SLIT3: variants seen among roughly 807,000 people sequenced by gnomAD.
SLIT3 encodes the protein slit homolog 3 protein.
SLIT3 carries 68 observed loss-of-function variants against 184.0 expected under a neutral mutation model. The ratio of observed to expected loss-of-function variants is 0.37; its 90% CI spans 0.30 to 0.45. The LOEUF (loss-of-function observed/expected upper bound fraction) is 0.45. Among genes scored for constraint, SLIT3 ranks in the 20% least tolerant of loss-of-function variants. SLIT3 has a pLI of 1.00. For synonymous variants in SLIT3, 831 were observed against 828.6 expected (o/e 1.00, Z -0.05); for missense variants, 1,707 against 2,026.0 (o/e 0.84, Z 3.02).
At chr5:168,928,853 A>C (rs1761907210) in intron 4 of SLIT3, among the ~76,000 whole-genome samples, 1 of 152,190 alleles carries the variant, frequency 6.6e-6, no homozygotes, top group Admixed American at 6.5e-5. Context: ...TTATGGATAG[A>C]GAAAGTAACC....
chr5:168,920,371 T>G (rs931862394), intron 4 of SLIT3, among the ~76,000 whole-genome samples: 1 of 152,034 alleles, frequency 6.6e-6, no homozygotes, highest in African/African-American at 2.4e-5. Flanking sequence ...GGTGGCTAAC[T>G]CCCTTCTCCA....
intron 4 of SLIT3, among the ~76,000 whole-genome samples, chr5:168,907,977 T>TAGAGAGAG (rs1306645535): frequency 8.0e-4 from 50 of 62,230 alleles, no homozygotes; most frequent in African/African-American, 1.2e-3. Context: ...TATATATATA[T>TAGAGAGAG]ATAGAGAGAG....
At position 168,722,924 on chromosome 5, in the gene SLIT3, T is replaced by C. The variant is rs1472497162; in HGVS notation, c.2411+9A>G. On this transcript the variant is annotated intron_variant, in intron 22 of 35. Coordinates refer to ENST00000519560, the MANE Select transcript of SLIT3 (RefSeq NM_003062.4). ...GGGCATGGTAAACACAGCATCTCAG[T>C]GTACTCACAGAGTGGAGAGGTGAGA... 1 of 1,603,030 alleles carries C rather than the reference T, an allele frequency of 6.2e-7. No homozygotes were observed. The highest frequency in any genetic ancestry group is 1.7e-5 in the Admixed American group (1 of 60,006).
chr5:168,689,475 C>T (rs1162598046), intron 29 of SLIT3, among the ~76,000 whole-genome samples: 1 of 152,204 alleles, frequency 6.6e-6, no homozygotes, highest in East Asian at 1.9e-4. Flanking sequence ...CAGCCCCACC[C>T]CTTTATATGT....
chr5:168,895,936 A>T (rs1488870722), intron 4 of SLIT3, among the ~76,000 whole-genome samples: 4 of 152,226 alleles, frequency 2.6e-5, no homozygotes, highest in African/African-American at 7.2e-5. Context: ...GCAGAGATGA[A>T]ATTCATTAGT....
At chr5:168,773,744 G>C (rs534395231) in intron 13 of SLIT3, among the ~76,000 whole-genome samples, 73 of 152,276 alleles carry the variant, frequency 4.8e-4, no homozygotes, top group South Asian at 1.7e-3. Flanking sequence ...TTCCCATAGA[G>C]GAAGAGTGCC....
intron 4 of SLIT3, among the ~76,000 whole-genome samples, chr5:168,890,977 G>C (rs1390187911): frequency 1.3e-5 from 2 of 152,180 alleles, no homozygotes; most frequent in African/African-American, 4.8e-5. Flanking sequence ...TCAACATGCT[G>C]TGTGTCTTTA....
intron 4 of SLIT3, among the ~76,000 whole-genome samples, chr5:169,092,045 C>CA (rs1167059510): frequency 3.9e-5 from 6 of 152,098 alleles, no homozygotes; most frequent in Non-Finnish European, 7.4e-5. Context: ...AACATGGTGA[C>CA]ACCCCATCTC....
intron 4 of SLIT3, among the ~76,000 whole-genome samples, chr5:169,128,453 G>A (rs1278814814): frequency 6.6e-6 from 1 of 151,892 alleles, no homozygotes; most frequent in Non-Finnish European, 1.5e-5. Context: ...TTTTAAGGTG[G>A]AGACACCCTG....
rs143352096 is a variant in SLIT3, at chr5:168,757,016, G to A, written c.1686-3009C>T. On this transcript the variant is annotated intron_variant, in intron 16 of 35. Transcript: ENST00000519560. ...TTTTCCAGAAAAGCTGGCTGCTGCC[G>A]TCTCTACATCCATCAAAGCACTGCT... Among the ~76,000 whole-genome samples the A allele has an allele frequency of 3.9e-3, 592 of 152,328 alleles. 1 individual carries two copies. Among genetic ancestry groups the A allele is most frequent in the Non-Finnish European group, 6.0e-3 (409 of 68,026 alleles).
At chr5:169,044,911 TCAA>T (rs1757576170) in intron 4 of SLIT3, among the ~76,000 whole-genome samples, 2 of 152,188 alleles carry the variant, frequency 1.3e-5, no homozygotes, top group African/African-American at 4.8e-5. Context: ...TTTTTGATCA[TCAA>T]CAACAGTGTA....
chr5:169,266,177 T>A (rs1270163119), intron 1 of SLIT3, among the ~76,000 whole-genome samples: 1 of 152,150 alleles, frequency 6.6e-6, no homozygotes, highest in East Asian at 1.9e-4. Flanking sequence ...TTCCCTGCAC[T>A]GCATAGGAGA....
Position 169,050,090 on chromosome 5 carries a change from C to T in SLIT3, c.413+143389G>A, listed in dbSNP as rs140316345. Among the ~76,000 whole-genome samples, 445 of 152,176 alleles carry T rather than the reference C, an allele frequency of 2.9e-3. 3 individuals are homozygous for T. Among genetic ancestry groups the T allele is most frequent in the African/African-American group, 1.0e-2 (414 of 41,504 alleles). On this transcript the variant is annotated intron_variant, in intron 4 of 35. Transcript: ENST00000519560. ...GAAGAGGTGTGTAGGAAGAGGGGTG[C>T]GTTTTCTACAGTCAGCAACAGAACA...
intron 6 of SLIT3, among the ~76,000 whole-genome samples, chr5:168,828,778 T>G (rs1757787225): frequency 6.6e-6 from 1 of 152,124 alleles, no homozygotes. Context: ...GGGGTGGGTC[T>G]CAGCCTTGTG....
chr5:168,732,549 C>T (rs1471037179), intron 20 of SLIT3, among the ~76,000 whole-genome samples: 3 of 152,264 alleles, frequency 2.0e-5, no homozygotes, highest in African/African-American at 7.2e-5. Context: ...CTGGAGGCAT[C>T]ATATTACCTG....
intron 8 of SLIT3, among the ~76,000 whole-genome samples, chr5:168,814,097 G>C (rs1436394288): frequency 6.6e-6 from 1 of 152,120 alleles, no homozygotes; most frequent in African/African-American, 2.4e-5. Flanking sequence ...GGTTTTTGCA[G>C]TTAAAAACCA....
chr5:168,802,694 C>T (rs1756812173), intron 9 of SLIT3, among the ~76,000 whole-genome samples: 1 of 152,190 alleles, frequency 6.6e-6, no homozygotes, highest in Admixed American at 6.5e-5. Flanking sequence ...GTGTAGGTAG[C>T]TCCAGCTCCT....
intron 4 of SLIT3, among the ~76,000 whole-genome samples, chr5:168,942,148 C>A (rs191604129): frequency 6.6e-6 from 1 of 152,180 alleles, no homozygotes; most frequent in African/African-American, 2.4e-5. Flanking sequence ...CATGACCAAG[C>A]TGGGCCAATG....
intron 4 of SLIT3, among the ~76,000 whole-genome samples, chr5:169,084,571 G>A (rs547556557): frequency 6.6e-6 from 1 of 151,154 alleles, no homozygotes; most frequent in African/African-American, 2.4e-5. Flanking sequence ...GCCTCCCAAA[G>A]TGCTGGGATT....
Sources: gnomAD v4.1 joint callset for allele counts (sites outside exome capture counted in the v4.1 genomes callset) on GRCh38, gnomAD v4.1.1 for gene constraint, MANE v1.5 for transcripts, NCBI Gene and HGNC (gene_info 2026-07-23, HGNC 2026-07-21) for gene names.